Variants in CFI observed in about 807,000 individuals in gnomAD.
CFI encodes the protein C3B/C4B inactivator.
CFI carries 66 observed loss-of-function variants against 78.8 expected under a neutral mutation model. That is an observed-to-expected ratio of 0.84 (90% CI 0.69 to 1.03). CFI has a LOEUF of 1.03. CFI is among the 50% of genes least tolerant of loss of function. The probability of loss-of-function intolerance (pLI) is 0.00; values close to 1 mark genes in which losing one functional copy is unlikely to be tolerated. For missense variants in CFI, 706 were observed against 704.5 expected, an observed-to-expected ratio of 1.00 and a Z score of -0.02; for synonymous variants, 250 against 232.6, an observed-to-expected ratio of 1.07 and a Z score of -0.68.
At chr4:109,781,710 AG>A (rs1473775772) in intron 1 of CFI, among the ~76,000 whole-genome samples, 1 of 152,214 alleles carries the variant, frequency 6.6e-6, no homozygotes, top group Non-Finnish European at 1.5e-5. Flanking sequence ...TAACCAAAAA[AG>A]AAAACTACAG....
At chr4:109,774,073 A>G (rs553374363) in intron 1 of CFI, among the ~76,000 whole-genome samples, 8 of 152,352 alleles carry the variant, frequency 5.3e-5, no homozygotes, top group African/African-American at 1.9e-4. Flanking sequence ...AAGTAGTAAG[A>G]AAAAAATCTT....
In CFI at chr4:109,740,885, T is replaced by A; in HGVS notation, c.*8A>T. Reference sequence around the variant, plus strand: ...AAAAAGAATAGAATGAAGAGAGAGATCACAATTTTATACATTGTACTGAGA... The same window carrying A: ...AAAAAGAATAGAATGAAGAGAGAGAACACAATTTTATACATTGTACTGAGA... On this transcript the variant is annotated 3_prime_UTR_variant, in exon 13 of 13. Transcript: ENST00000394634. The A allele has an allele frequency of 1.2e-6, 2 of 1,603,572 alleles. No homozygotes were observed. The highest frequency in any genetic ancestry group is 1.7e-6 in the Non-Finnish European group (2 of 1,170,382).
intron 2 of CFI, among the ~76,000 whole-genome samples, 196 bp downstream of exon 2, chr4:109,766,358 C>T (rs942498605): frequency 2.0e-5 from 3 of 152,278 alleles, no homozygotes; most frequent in Middle Eastern, 6.8e-3. Flanking sequence ...GCATCCCACG[C>T]TCTGCACTCA....
Position 109,801,930 on chromosome 4 carries a change from G to C in CFI, c.42C>G (p.His14Gln), listed in dbSNP as rs1414227799. The change falls in exon 1 of 13, where the codon CAC (histidine) becomes CAG (glutamine). Residue 14 changes from histidine to glutamine, a missense_variant. His to Gln is a conservative substitution (Grantham distance 24). Coordinates refer to ENST00000394634, the MANE Select transcript of CFI (RefSeq NM_000204.5). The part of the protein sequence containing the change: ...LHVFLLFLCF[H>Q]LRFCKVTYTS... ...AATTACTTACCTTGCAAAACCTTAA[G>C]TGGAAGCACAGAAATAACAGGAAAA... 4 of 1,611,844 alleles carry C rather than the reference G, an allele frequency of 2.5e-6. No individual in the cohort carries two copies. Among genetic ancestry groups the C allele is most frequent in the Non-Finnish European group, 3.4e-6 (4 of 1,178,380 alleles).
chr4:109,777,636 T>C (rs1379449616), intron 1 of CFI, among the ~76,000 whole-genome samples: 2 of 152,292 alleles, frequency 1.3e-5, no homozygotes, highest in Admixed American at 6.5e-5. Flanking sequence ...GCAGACCTAA[T>C]AGACATCGAC....
intron 12 of CFI, 149 bp from the exon 13 acceptor site, chr4:109,741,259 T>G: frequency 2.0e-6 from 3 of 1,475,302 alleles, no homozygotes; most frequent in Non-Finnish European, 2.7e-6. Flanking sequence ...CTGGCTGGGC[T>G]TGCAGAGTTG....
In CFI at chr4:109,746,448, G is replaced by C. The variant is rs777911239; in HGVS notation, c.1203C>G (p.His401Gln). ...QIWTTVVDWI[H>Q]PDLKRIVIEY... The stretch of plus-strand genomic sequence containing the variant: ...CAATTACTATACGTTTAAGGTCGGG[G>C]TGTATCCAGTCTACTACTGTTGTCC... Residue 401 changes from histidine to glutamine, a missense_variant, in exon 11 of 13, where the codon CAC becomes CAG. His to Gln is a conservative substitution (Grantham distance 24). Transcript: ENST00000394634. 1 of 1,613,582 alleles carries C rather than the reference G, an allele frequency of 6.2e-7. No homozygotes were observed. The highest frequency in any genetic ancestry group is 1.3e-5 in the African/African-American group (1 of 74,824).
chr4:109,785,666 C>A (rs1190265933), intron 1 of CFI, among the ~76,000 whole-genome samples: 3 of 151,966 alleles, frequency 2.0e-5, no homozygotes, highest in Non-Finnish European at 4.4e-5. Flanking sequence ...GTGTCCCCAC[C>A]CAAATCTCAT....
At chr4:109,733,661 T>A in the CFI span, among the ~76,000 whole-genome samples, 2 of 152,134 alleles carry the variant, frequency 1.3e-5, no homozygotes, top group Non-Finnish European at 2.9e-5. Flanking sequence ...AAAAGAGGAA[T>A]CAAGGATGGC....
intron 7 of CFI, among the ~76,000 whole-genome samples, chr4:109,756,286 T>A (rs1279701346): frequency 2.3e-5 from 3 of 131,406 alleles, no homozygotes; most frequent in Non-Finnish European, 4.8e-5. Context: ...GCCTCTGAGA[T>A]CTGAAACTAG....
intron 1 of CFI, among the ~76,000 whole-genome samples, chr4:109,786,799 C>T (rs1198033772): frequency 6.6e-6 from 1 of 152,064 alleles, no homozygotes; most frequent in Non-Finnish European, 1.5e-5. Context: ...ACATGGGAAA[C>T]ACAAATAAAC....
chr4:109,763,594 G>A (rs1024469925), intron 3 of CFI, among the ~76,000 whole-genome samples: 3 of 151,944 alleles, frequency 2.0e-5, no homozygotes, highest in Non-Finnish European at 2.9e-5. Context: ...TGTTTATAAG[G>A]AACATGCTTA....
intron 1 of CFI, among the ~76,000 whole-genome samples, chr4:109,799,592 C>T (rs1045288589): frequency 1.3e-5 from 2 of 152,090 alleles, no homozygotes; most frequent in Non-Finnish European, 2.9e-5. Flanking sequence ...GGAAAGGCCA[C>T]TTAGTGGTTG....
At chr4:109,741,994 A>C (rs1723860305) in intron 12 of CFI, 1 of 159,964 alleles carries the variant, frequency 6.3e-6, no homozygotes. Flanking sequence ...GGAGGGAAAA[A>C]TTTACTTCCA....
chr4:109,771,662 C>T (rs1298138543), intron 1 of CFI, among the ~76,000 whole-genome samples: 6 of 130,872 alleles, frequency 4.6e-5, no homozygotes, highest in African/African-American at 1.8e-4. Context: ...TGCAGTGAGC[C>T]GAGATCGCAC....
intron 1 of CFI, among the ~76,000 whole-genome samples, chr4:109,795,955 A>G (rs1732002872): frequency 6.6e-6 from 1 of 152,190 alleles, no homozygotes; most frequent in Admixed American, 6.5e-5. Flanking sequence ...AATGCCTGAA[A>G]ACATCTCAAA....
In CFI at chr4:109,753,061, T is replaced by TATA. The variant is rs1178998969; in HGVS notation, c.905-561_905-559dup. 2.6e-3 allele frequency among the ~76,000 whole-genome samples: 72 copies of TATA among 27,934 alleles called. 11 individuals carry two copies. The highest frequency in any genetic ancestry group is 7.3e-3 in the African/African-American group (64 of 8,750). 18.3% of individuals were successfully genotyped at this position (27,934 alleles called of 152,430 possible). ...AATATATATTTATTATATATTTATA[T>TATA]ATAAATAAATATTTATAATATATAT... On this transcript the variant is annotated intron_variant, in intron 7 of 12. Coordinates refer to ENST00000394634, the MANE Select transcript of CFI (RefSeq NM_000204.5).
chr4:109,777,865 C>T (rs976860088), intron 1 of CFI, among the ~76,000 whole-genome samples: 1 of 152,112 alleles, frequency 6.6e-6, no homozygotes, highest in African/African-American at 2.4e-5. Flanking sequence ...AACTGAACAA[C>T]CTGCTCCCGA....
downstream of CFI, among the ~76,000 whole-genome samples, chr4:109,738,725 CAG>C (rs971092036): frequency 6.6e-6 from 1 of 152,102 alleles, no homozygotes; most frequent in Non-Finnish European, 1.5e-5. Context: ...GGGGAGAGTG[CAG>C]AGAGACATAT....
Sources: allele counts gnomAD v4.1 joint callset (sites outside exome capture counted in the v4.1 genomes callset), GRCh38; gene constraint gnomAD v4.1.1; transcripts MANE v1.5; gene names NCBI Gene and HGNC (gene_info 2026-07-23, HGNC 2026-07-21).